Variants in FARS2 observed in about 807,000 individuals in gnomAD.
FARS2 encodes the protein phenylalanine--tRNA ligase, mitochondrial.
FARS2 carries 40 observed loss-of-function variants against 46.4 expected under a neutral mutation model. The ratio of observed to expected loss-of-function variants is 0.86; its 90% CI spans 0.67 to 1.12. The LOEUF (loss-of-function observed/expected upper bound fraction) is 1.12, where lower values mean the gene tolerates loss of function less well. Among genes scored for constraint, FARS2 ranks in the 50% most tolerant of loss-of-function variants. The pLI is 0.00. For synonymous variants in FARS2, 234 were observed against 214.9 expected, an observed-to-expected ratio of 1.09 and a Z score of -0.78; for missense variants, 513 against 567.9, an observed-to-expected ratio of 0.90 and a Z score of 0.98.
intron 4 of FARS2, among the ~76,000 whole-genome samples, chr6:5,434,092 A>G (rs1448423459): frequency 6.8e-6 from 1 of 146,074 alleles, no homozygotes; most frequent in Non-Finnish European, 1.5e-5. Context: ...GGGAAACTGT[A>G]CACATAAAAA....
intron 6 of FARS2, among the ~76,000 whole-genome samples, chr6:5,640,778 T>C (rs1195903859): frequency 1.3e-5 from 2 of 152,248 alleles, no homozygotes. Context: ...ATCAATGCTA[T>C]TTCTGTAAAC....
intron 4 of FARS2, among the ~76,000 whole-genome samples, chr6:5,539,384 G>GTGTATGTATATATATATATATATATA: frequency 2.5e-5 from 2 of 79,592 alleles, no homozygotes; most frequent in East Asian, 3.0e-4. Context: ...TTTTTTTTGT[G>GTGTATGTATATATATATATATATATA]TATATATATA....
intron 4 of FARS2, among the ~76,000 whole-genome samples, chr6:5,508,758 C>T (rs1768253838): frequency 1.3e-5 from 2 of 152,216 alleles, no homozygotes; most frequent in African/African-American, 4.8e-5. Flanking sequence ...GACAGGATGA[C>T]AGCCAGGCAG....
intron 6 of FARS2, among the ~76,000 whole-genome samples, chr6:5,664,298 G>A (rs1016451134): frequency 1.3e-5 from 2 of 152,166 alleles, no homozygotes; most frequent in African/African-American, 4.8e-5. Context: ...TGAGAATCAA[G>A]TGGACCCCCT....
chr6:5,691,203 T>G (rs139924119), intron 6 of FARS2, among the ~76,000 whole-genome samples: 3 of 152,342 alleles, frequency 2.0e-5, no homozygotes, highest in Non-Finnish European at 4.4e-5. Flanking sequence ...AAAGTCATTC[T>G]CCATTCAGCT....
chr6:5,420,707 C>G (rs149653436), intron 3 of FARS2, among the ~76,000 whole-genome samples: 3,176 of 152,312 alleles, frequency 0.021, 57 homozygotes, highest in South Asian at 0.068. Context: ...GGTACAGCCT[C>G]CTTCCAAGCT....
At chr6:5,551,404 C>T (rs1771366325) in intron 5 of FARS2, among the ~76,000 whole-genome samples, 1 of 152,134 alleles carries the variant, frequency 6.6e-6, no homozygotes, top group Non-Finnish European at 1.5e-5. Context: ...TTTTTCCTTG[C>T]CTGTCACAGT....
intron 6 of FARS2, among the ~76,000 whole-genome samples, chr6:5,690,986 G>A (rs1413415401): frequency 2.0e-5 from 3 of 151,948 alleles, no homozygotes; most frequent in African/African-American, 7.3e-5. Context: ...CCATTTGATC[G>A]AATCGGCTAC....
rs200003967 is a variant in FARS2 at position 5,404,697 on chromosome 6, A to C, written c.768A>C (p.Gly256=). The C allele has an allele frequency of 5.0e-5, 79 of 1,587,780 alleles. 1 individual carries two copies. In the East Asian group the frequency reaches 9.5e-4, roughly 19 times the overall value. The change falls in exon 3 of 7, where the codon GGA becomes GGC. Residue 256 remains glycine (G), a synonymous_variant. Coordinates refer to ENST00000274680, the MANE Select transcript of FARS2 (RefSeq NM_006567.5). ...TLTRLMAHLF[G]DELEIRWVDC... is the part of the protein sequence containing the mutation. ...CCAGGCTCATGGCACATCTTTTTGGAGATGGTAAGTGCTCAAACACAGGTT... is the reference window on the plus strand; with the variant it reads ...CCAGGCTCATGGCACATCTTTTTGGCGATGGTAAGTGCTCAAACACAGGTT...
intron 4 of FARS2, among the ~76,000 whole-genome samples, chr6:5,475,502 G>A (rs774213848): frequency 2.0e-5 from 3 of 152,278 alleles, no homozygotes; most frequent in Non-Finnish European, 2.9e-5. Context: ...AAGCATGTGC[G>A]TTTCAGACTA....
At chr6:5,651,066 G>A (rs1449442823) in intron 6 of FARS2, among the ~76,000 whole-genome samples, 1 of 152,202 alleles carries the variant, frequency 6.6e-6, no homozygotes, top group Non-Finnish European at 1.5e-5. Context: ...TAATAGTAAA[G>A]GGTTTGGTTT....
At chr6:5,672,070 A>C (rs1451267864) in intron 6 of FARS2, among the ~76,000 whole-genome samples, 1 of 152,216 alleles carries the variant, frequency 6.6e-6, no homozygotes, top group Non-Finnish European at 1.5e-5. Flanking sequence ...AAAAGTCCAG[A>C]GAAGGATGAG....
At chr6:5,767,363 C>T (rs1277488892) in intron 6 of FARS2, among the ~76,000 whole-genome samples, 1 of 152,100 alleles carries the variant, frequency 6.6e-6, no homozygotes, top group Admixed American at 6.5e-5. Flanking sequence ...GCCAATCCAT[C>T]CAGATATTAG....
chr6:5,362,873 A>G (rs536855454), intron 1 of FARS2, among the ~76,000 whole-genome samples: 3 of 148,604 alleles, frequency 2.0e-5, no homozygotes, highest in East Asian at 4.0e-4. Context: ...GACCATTTAT[A>G]TGTCTTCTTT....
chr6:5,718,129 G>A (rs1466862890), intron 6 of FARS2, among the ~76,000 whole-genome samples: 1 of 152,024 alleles, frequency 6.6e-6, no homozygotes, highest in Non-Finnish European at 1.5e-5. Context: ...GGCCAGGCTG[G>A]TCTGGAACTC....
intron 1 of FARS2, among the ~76,000 whole-genome samples, chr6:5,323,180 T>C (rs1770108504): frequency 6.6e-6 from 1 of 152,238 alleles, no homozygotes; most frequent in Non-Finnish European, 1.5e-5. Flanking sequence ...TTGGATATTA[T>C]AGGGCATATA....
chr6:5,677,472 C>A (rs778526849), intron 6 of FARS2, among the ~76,000 whole-genome samples: 1 of 152,244 alleles, frequency 6.6e-6, no homozygotes, highest in Non-Finnish European at 1.5e-5. Flanking sequence ...CTAGACTTCT[C>A]TGGCAGTAGA....
chr6:5,690,729 A>G (rs999426829), intron 6 of FARS2, among the ~76,000 whole-genome samples: 1 of 152,250 alleles, frequency 6.6e-6, no homozygotes, highest in South Asian at 2.1e-4. Context: ...TATTTCCTGA[A>G]TTTGAATGTT....
chr6:5,692,206 G>C (rs552034205), intron 6 of FARS2, among the ~76,000 whole-genome samples: 2 of 152,216 alleles, frequency 1.3e-5, no homozygotes, highest in South Asian at 2.1e-4. Context: ...TGCACCCACT[G>C]TCCGACACTG....
Sources: gnomAD v4.1 joint callset for allele counts (sites outside exome capture counted in the v4.1 genomes callset) on GRCh38, gnomAD v4.1.1 for gene constraint, MANE v1.5 for transcripts, NCBI Gene and HGNC (gene_info 2026-07-23, HGNC 2026-07-21) for gene names.